Variants in RNF17 observed in about 807,000 individuals in gnomAD.
RNF17 encodes the protein spermatogenesis associated 23.
Under a neutral mutation model 200.5 loss-of-function variants are expected in RNF17, and 31 were observed. The ratio of observed to expected loss-of-function variants is 0.15; its 90% CI spans 0.12 to 0.21. The LOEUF (loss-of-function observed/expected upper bound fraction) is 0.21. Among genes scored for constraint, RNF17 ranks in the 10% least tolerant of loss-of-function variants. The pLI, the probability that RNF17 is intolerant of heterozygous loss-of-function variation, is 1.00. For synonymous variants in RNF17, 606 were observed against 637.8 expected, an observed-to-expected ratio of 0.95 and a Z score of 0.75; for missense variants, 1,628 against 1,905.1, an observed-to-expected ratio of 0.85 and a Z score of 2.71.
At chr13:24,824,128 A>G (rs1047969436) in intron 15 of RNF17, 13 of 701,984 alleles carry the variant, frequency 1.9e-5, no homozygotes, top group Non-Finnish European at 3.4e-5. Flanking sequence ...AAACTTTCCT[A>G]CCATTTAGAA....
intron 15 of RNF17, among the ~76,000 whole-genome samples, chr13:24,815,898 T>C (rs1198013519): frequency 6.6e-6 from 1 of 152,152 alleles, no homozygotes. Context: ...TTTTGTTTCC[T>C]TGTTGGTTTG....
intron 15 of RNF17, among the ~76,000 whole-genome samples, chr13:24,812,686 T>TCCCCCCC (rs1886857916): frequency 1.5e-4 from 2 of 13,028 alleles, no homozygotes; most frequent in African/African-American, 5.3e-4. Context: ...CCCACCCCCT[T>TCCCCCCC]TTTTTTTTTT....
chr13:24,830,346 T>C (rs1231478456), intron 16 of RNF17, 138 bp from the exon 17 acceptor site: 3 of 551,778 alleles, frequency 5.4e-6, no homozygotes, highest in Non-Finnish European at 9.6e-6. Context: ...ATTTGAAATA[T>C]TTTTTACATT....
At chr13:24,822,701 TCAGCCACTGCACC>T (rs1888207840) in intron 15 of RNF17, among the ~76,000 whole-genome samples, 1 of 152,174 alleles carries the variant, frequency 6.6e-6, no homozygotes, top group South Asian at 2.1e-4. Context: ...ATTTTAGGCA[TCAGCCACTGCACC>T]CAGTCTCAGT....
At chr13:24,844,834 AG>A (rs1280556326) in intron 21 of RNF17, 32 bp downstream of exon 21, 1 of 1,596,932 alleles carries the variant, frequency 6.3e-7, no homozygotes, top group East Asian at 2.2e-5. Context: ...GTAATTGTGA[AG>A]GTGAATGAAT....
Position 24,877,081 on chromosome 13 carries a change from G to A in RNF17, c.4668G>A (p.Arg1556=), listed in dbSNP as rs1444783027. 6.2e-7 allele frequency: 1 copy of A among 1,612,618 alleles called. No individual in the cohort carries two copies. The highest frequency in any genetic ancestry group is 8.5e-7 in the Non-Finnish European group (1 of 1,178,940). ...VLLAGFKPPL[R]DLGETRIPYC... is the part of the protein sequence containing the mutation. ...TGGCAGGGTTTAAACCTCCCTTAAGGGATCTAGGGGAGACAAGAATACCAT... is the reference window on the plus strand; with the variant it reads ...TGGCAGGGTTTAAACCTCCCTTAAGAGATCTAGGGGAGACAAGAATACCAT... Residue 1556 remains arginine (R), a synonymous_variant, in exon 34 of 36, where the codon AGG becomes AGA. Transcript: ENST00000255324.
chr13:24,871,472 G>C (rs1894241682), intron 32 of RNF17, among the ~76,000 whole-genome samples: 1 of 151,562 alleles, frequency 6.6e-6, no homozygotes, highest in Non-Finnish European at 1.5e-5. Context: ...CAAGTAGTTG[G>C]GATTACAGGT....
chr13:24,886,249 AGCAAGT>A, the RNF17 span: 1 of 1,195,986 alleles, frequency 8.4e-7, no homozygotes, highest in Middle Eastern at 2.2e-4. Context: ...AAGGGTCTCG[AGCAAGT>A]GCCAGAATCT....
downstream of RNF17, chr13:24,880,019 A>C (rs187739654): frequency 6.6e-6 from 1 of 152,360 alleles, no homozygotes; most frequent in African/African-American, 2.4e-5. Flanking sequence ...TCAACTTAAG[A>C]CATTAGTACA....
At chr13:24,789,662 T>G (rs754073791) in intron 8 of RNF17, 36 bp from the exon 9 acceptor site, 3 of 1,299,950 alleles carry the variant, frequency 2.3e-6, no homozygotes, top group Non-Finnish European at 3.3e-6. Context: ...ACATTTGTAT[T>G]AGAACATTTA....
At chr13:24,762,452 T>C (rs929439786), upstream of RNF17, among the ~76,000 whole-genome samples, 1 of 149,144 alleles carries the variant, frequency 6.7e-6, no homozygotes, top group Admixed American at 6.7e-5. Context: ...GAATAGGGAA[T>C]AATACTCACA....
chr13:24,805,166 C>T (rs140629552), intron 15 of RNF17, among the ~76,000 whole-genome samples: 10 of 152,118 alleles, frequency 6.6e-5, no homozygotes, highest in African/African-American at 1.4e-4. Flanking sequence ...TTAGGATTTG[C>T]GTTTATTTCT....
chr13:24,813,784 A>C (rs1887045717), intron 15 of RNF17, among the ~76,000 whole-genome samples: 4 of 141,956 alleles, frequency 2.8e-5, no homozygotes, highest in East Asian at 2.1e-4. Context: ...CATGCAGCAC[A>C]GCTCGCTAAT....
rs929977989 is a variant in RNF17, at chr13:24,825,547, G to C, written c.2092-72G>C. On this transcript the variant is annotated intron_variant, in intron 15 of 35. Coordinates refer to ENST00000255324, the MANE Select transcript of RNF17 (RefSeq NM_031277.3). ...AATGTTTCATAATTTCAATGACAGT[G>C]CTTGTAATTCATTCAACACTTACAT... 4.3e-6 allele frequency: 4 copies of C among 923,276 alleles called. No homozygotes were observed. In the African/African-American group the frequency reaches 6.6e-5, roughly 15 times the overall value. The allele number at this position is 923,276 out of a possible 1,614,324, so 57.2% of individuals were successfully genotyped here. A position where few individuals can be genotyped will look rare whatever the true frequency, so the allele number is the denominator to read the frequency against.
intron 2 of RNF17, among the ~76,000 whole-genome samples, chr13:24,772,476 G>T: frequency 1.4e-5 from 2 of 137,972 alleles, no homozygotes. Flanking sequence ...CTAGCCAGGT[G>T]CGATTTTTTA....
Position 24,774,899 on chromosome 13 carries a change from T to A in RNF17, c.312T>A (p.Pro104=). The A allele has an allele frequency of 1.9e-6, 3 of 1,585,708 alleles. No individual in the cohort carries two copies. Among genetic ancestry groups the A allele is most frequent in the Non-Finnish European group, 2.6e-6 (3 of 1,154,688 alleles). The change falls in exon 3 of 36, where the codon CCT becomes CCA. Residue 104 remains proline, a synonymous_variant. Coordinates refer to ENST00000255324, the MANE Select transcript of RNF17 (RefSeq NM_031277.3). The part of the protein sequence containing the change: ...KEDSIMEKLQ[P]KTIKNCSQDF... ...ACTCCATAATGGAAAAACTGCAGCC[T>A]AAGACGTATGTTCCATGTGTACTTA...
chr13:24,782,142 T>A (rs1409998240), intron 6 of RNF17, among the ~76,000 whole-genome samples, 198 bp downstream of exon 6: 1 of 152,184 alleles, frequency 6.6e-6, no homozygotes. Context: ...TGTAAGCTTT[T>A]AAAAATTTTG....
downstream of RNF17, chr13:24,883,217 T>TTAAC (rs1953913481): frequency 6.2e-7 from 1 of 1,614,104 alleles, no homozygotes; most frequent in Non-Finnish European, 8.5e-7. Context: ...CTCCTTGTCC[T>TTAAC]TAACTCTTAT....
upstream of RNF17, among the ~76,000 whole-genome samples, chr13:24,763,509 G>T (rs1263421394): frequency 6.6e-6 from 1 of 151,648 alleles, no homozygotes; most frequent in African/African-American, 2.4e-5. Context: ...GAGCCACCGC[G>T]CCGGGCCCAG....
Sources: allele counts gnomAD v4.1 joint callset (sites outside exome capture counted in the v4.1 genomes callset), GRCh38; gene constraint gnomAD v4.1.1; transcripts MANE v1.5; gene names NCBI Gene and HGNC (gene_info 2026-07-23, HGNC 2026-07-21).